The following SPMIP2 variants were observed in gnomAD, a reference collection of about 807,000 sequenced individuals.
SPMIP2 encodes protein SPMIP2.
chr4:159,067,139 C>T, the SPMIP2 span, among the ~76,000 whole-genome samples: 23 of 151,840 alleles, frequency 1.5e-4, no homozygotes, highest in Admixed American at 1.2e-3. Context: ...GATAACAGAA[C>T]GACTGGATAG....
chr4:158,907,845 A>AAACTT, the SPMIP2 span: 3 of 152,218 alleles, frequency 2.0e-5, no homozygotes, highest in Admixed American at 6.5e-5. Flanking sequence ...CAATATGCTT[A>AAACTT]AACTTAAGTG....
chr4:158,999,966 A>G, the SPMIP2 span, among the ~76,000 whole-genome samples: 1 of 152,190 alleles, frequency 6.6e-6, no homozygotes, highest in Non-Finnish European at 1.5e-5. Context: ...CCTTGCTGCC[A>G]CTGGCATAGA....
chr4:158,934,680 T>C, the SPMIP2 span, among the ~76,000 whole-genome samples: 2 of 152,156 alleles, frequency 1.3e-5, no homozygotes, highest in Admixed American at 6.5e-5. Context: ...ACTCTCTCCT[T>C]CTTGTGTTCC....
chr4:158,928,935 C>T, the SPMIP2 span, among the ~76,000 whole-genome samples: 5 of 152,166 alleles, frequency 3.3e-5, no homozygotes, highest in Non-Finnish European at 7.3e-5. Context: ...GGAAGAAACT[C>T]TGAACGCATC....
chr4:158,992,444 G>A, the SPMIP2 span, among the ~76,000 whole-genome samples: 2 of 152,126 alleles, frequency 1.3e-5, no homozygotes, highest in Non-Finnish European at 2.9e-5. Context: ...TTTCCCTACT[G>A]GGTCACTTAT....
chr4:159,080,474 G>A, the SPMIP2 span, among the ~76,000 whole-genome samples: 19 of 152,064 alleles, frequency 1.2e-4, no homozygotes, highest in Admixed American at 1.2e-3. Context: ...CCTGCCTCGG[G>A]TCTCAAAGTG....
the SPMIP2 span, among the ~76,000 whole-genome samples, chr4:158,914,086 T>G: frequency 1.3e-5 from 2 of 152,138 alleles, no homozygotes; most frequent in Admixed American, 6.6e-5. Flanking sequence ...TTCAACTGGA[T>G]TTGGCGAATG....
At chr4:159,080,444 T>C in the SPMIP2 span, among the ~76,000 whole-genome samples, 2 of 152,042 alleles carry the variant, frequency 1.3e-5, no homozygotes, top group Non-Finnish European at 2.9e-5. Flanking sequence ...GGTCTTGAAC[T>C]CCTGAGCTCA....
At chr4:158,981,086 A>C in the SPMIP2 span, among the ~76,000 whole-genome samples, 2 of 152,240 alleles carry the variant, frequency 1.3e-5, no homozygotes, top group Non-Finnish European at 2.9e-5. Flanking sequence ...CGAATCGATA[A>C]AGCAGAAGAA....
chr4:159,061,530 G>A, the SPMIP2 span, among the ~76,000 whole-genome samples: 3 of 152,116 alleles, frequency 2.0e-5, no homozygotes, highest in African/African-American at 7.2e-5. Flanking sequence ...GAGATGGGCT[G>A]GGCATAGTGG....
the SPMIP2 span, among the ~76,000 whole-genome samples, chr4:158,967,896 C>T: frequency 6.6e-6 from 1 of 152,124 alleles, no homozygotes; most frequent in African/African-American, 2.4e-5. Context: ...AACTCACTCT[C>T]TTACTTTTTT....
the SPMIP2 span, among the ~76,000 whole-genome samples, chr4:158,965,668 TA>T: frequency 0.27 from 39,063 of 145,856 alleles, 5,431 homozygotes; most frequent in Non-Finnish European, 0.32. Context: ...AGTTTCTATT[TA>T]AAAAAAAAAA....
At chr4:158,910,049 CA>C in the SPMIP2 span, among the ~76,000 whole-genome samples, 6 of 150,390 alleles carry the variant, frequency 4.0e-5, no homozygotes, top group Middle Eastern at 3.4e-3. Flanking sequence ...CAAAAAAAAA[CA>C]AAAAAAAATT....
At chr4:158,935,485 C>T in the SPMIP2 span, among the ~76,000 whole-genome samples, 3 of 152,238 alleles carry the variant, frequency 2.0e-5, no homozygotes, top group African/African-American at 7.2e-5. Flanking sequence ...TTCCTTACGT[C>T]TTTGTGTCTT....
chr4:158,927,336 A>AT, the SPMIP2 span, among the ~76,000 whole-genome samples: 2 of 152,060 alleles, frequency 1.3e-5, no homozygotes, highest in Admixed American at 6.5e-5. Context: ...TGTCTGAGGT[A>AT]TTTTTTACTT....
chr4:158,925,066 G>GT, the SPMIP2 span, among the ~76,000 whole-genome samples: 2 of 152,188 alleles, frequency 1.3e-5, no homozygotes, highest in Non-Finnish European at 2.9e-5. Flanking sequence ...TGAATTGGAA[G>GT]TGTTTCCTCC....
At chr4:159,043,784 A>G in the SPMIP2 span, among the ~76,000 whole-genome samples, 1 of 152,208 alleles carries the variant, frequency 6.6e-6, no homozygotes, top group East Asian at 1.9e-4. Context: ...TCCTGAGACT[A>G]AGCACAATTT....
chr4:158,957,824 C>T, the SPMIP2 span, among the ~76,000 whole-genome samples: 2 of 152,340 alleles, frequency 1.3e-5, no homozygotes, highest in South Asian at 4.1e-4. Context: ...CTTCTCTTTA[C>T]ATCCCATAAA....
chr4:158,906,817 A>C, the SPMIP2 span: 1 of 152,020 alleles, frequency 6.6e-6, no homozygotes, highest in African/African-American at 2.4e-5. Flanking sequence ...GAAAAAAAAA[A>C]CCTCACAGAA....
Sources: allele counts gnomAD v4.1 joint callset (sites outside exome capture counted in the v4.1 genomes callset), GRCh38; gene constraint gnomAD v4.1.1; transcripts MANE v1.5; gene names NCBI Gene and HGNC (gene_info 2026-07-23, HGNC 2026-07-21).